Variants in KCNT1 observed in about 807,000 individuals in gnomAD.
The protein encoded by KCNT1 is potassium sodium-activated channel subfamily T member 1, also known as potassium channel subfamily T member 1.
KCNT1 carries 78 observed loss-of-function variants against 147.8 expected under a neutral mutation model. The observed-to-expected ratio is 0.53, with a 90% CI of 0.44 to 0.64. The LOEUF (loss-of-function observed/expected upper bound fraction) is 0.64. Ranked by LOEUF, KCNT1 falls within the 30% of genes least tolerant of loss-of-function variation. The pLI, the probability that KCNT1 is intolerant of heterozygous loss-of-function variation, is 0.00. For missense variants in KCNT1, 1,419 were observed against 1,750.3 expected, an observed-to-expected ratio of 0.81 and a Z score of 3.38; for synonymous variants, 867 against 748.8, an observed-to-expected ratio of 1.16 and a Z score of -2.58.
At chr9:135,722,938 C>A (rs925117343) in intron 2 of KCNT1, among the ~76,000 whole-genome samples, 3 of 152,234 alleles carry the variant, frequency 2.0e-5, no homozygotes, top group African/African-American at 7.2e-5. Context: ...GAAGGGGACG[C>A]TGCAAAAGAT....
At chr9:135,731,187 T>G (rs1564327191) in intron 2 of KCNT1, among the ~76,000 whole-genome samples, 1 of 151,978 alleles carries the variant, frequency 6.6e-6, no homozygotes, top group Non-Finnish European at 1.5e-5. Context: ...CTTTGCAACT[T>G]CCTTGTTCTC....
intron 1 of KCNT1, among the ~76,000 whole-genome samples, chr9:135,704,765 C>T (rs567825943): frequency 1.3e-5 from 2 of 152,340 alleles, no homozygotes; most frequent in African/African-American, 4.8e-5. Context: ...GGCCCAAGGT[C>T]CTGGCCAGCC....
chr9:135,731,200 G>A (rs971956095), intron 2 of KCNT1, among the ~76,000 whole-genome samples: 2 of 151,958 alleles, frequency 1.3e-5, no homozygotes, highest in African/African-American at 4.8e-5. Context: ...TTGTTCTCTA[G>A]CAAAACTAGA....
intron 19 of KCNT1, 118 bp from the exon 20 acceptor site, chr9:135,775,192 G>A (rs940855258): frequency 2.3e-5 from 15 of 666,476 alleles, no homozygotes; most frequent in African/African-American, 7.4e-5. Flanking sequence ...GCGTGACCCC[G>A]AGCAACGTGG....
At chr9:135,776,824 C>T (rs897381598) in intron 20 of KCNT1, among the ~76,000 whole-genome samples, 20 of 152,248 alleles carry the variant, frequency 1.3e-4, no homozygotes, top group Admixed American at 3.3e-4. Flanking sequence ...GCTTCTGACA[C>T]GATCCCCTCA....
At chr9:135,756,247 ATT>A (rs1285295564) in intron 6 of KCNT1, among the ~76,000 whole-genome samples, 1 of 151,808 alleles carries the variant, frequency 6.6e-6, no homozygotes, top group African/African-American at 2.4e-5. Flanking sequence ...TCTCCACACA[ATT>A]TTCCCAGGGA....
intron 2 of KCNT1, among the ~76,000 whole-genome samples, chr9:135,744,638 G>T (rs1830723142): frequency 6.6e-6 from 1 of 152,232 alleles, no homozygotes; most frequent in Non-Finnish European, 1.5e-5. Flanking sequence ...TAGGGACGGG[G>T]CTGGCCAGGA....
Position 135,730,368 on chromosome 9 carries a change from G to A in KCNT1, c.254+15648G>A, listed in dbSNP as rs1237050115. ...GACTATGTAACCATGCGTGGCGAGGGGGACCACACGTGGTGAGGGGGATTA... is the reference window on the plus strand; with the variant it reads ...GACTATGTAACCATGCGTGGCGAGGAGGACCACACGTGGTGAGGGGGATTA... On this transcript the variant is annotated intron_variant, in intron 2 of 30. Transcript: ENST00000371757. The surrounding 1 kb of genome is among the most constrained non-coding windows in gnomAD (Gnocchi z 4.7). 6.6e-6 allele frequency among the ~76,000 whole-genome samples: 1 copy of A among 152,174 alleles called. No individual in the cohort carries two copies. Among genetic ancestry groups the A allele is most frequent in the African/African-American group, 2.4e-5 (1 of 41,426 alleles).
At chr9:135,732,388 A>C (rs1405342059) in intron 2 of KCNT1, among the ~76,000 whole-genome samples, 1 of 152,128 alleles carries the variant, frequency 6.6e-6, no homozygotes, top group Non-Finnish European at 1.5e-5. Flanking sequence ...CCTCCAGTGG[A>C]AGTGTCCTCA....
chr9:135,717,189 G>T (rs1212763802), intron 2 of KCNT1, among the ~76,000 whole-genome samples: 1 of 150,244 alleles, frequency 6.7e-6, no homozygotes, highest in Admixed American at 6.6e-5. Context: ...GTGTGTATAG[G>T]ATGGGAGGGA....
chr9:135,748,953 G>C (rs1008176467), intron 2 of KCNT1, among the ~76,000 whole-genome samples: 1 of 152,188 alleles, frequency 6.6e-6, no homozygotes, highest in Non-Finnish European at 1.5e-5. Flanking sequence ...GGCCATGGCT[G>C]GGAGCAGCCG....
chr9:135,752,032 T>C lies in KCNT1; in HGVS notation c.434+991T>C, dbSNP rs146156093. ...TTTCTCCCGAGCTCACATTGGGCCC[T>C]GACTTTTTCATACCCGTAGATTTCC... On this transcript the variant is annotated intron_variant, in intron 4 of 30. Coordinates refer to ENST00000371757, the MANE Select transcript of KCNT1 (RefSeq NM_020822.3). The surrounding 1 kb of genome is among the most constrained non-coding windows in gnomAD (Gnocchi z 5.1). 95 of 216,220 alleles carry C rather than the reference T, an allele frequency of 4.4e-4. No individual in the cohort carries two copies. Among genetic ancestry groups the C allele is most frequent in the African/African-American group, 2.1e-3 (91 of 43,028 alleles). The allele number at this position is 216,220 out of a possible 1,614,324, so 13.4% of individuals were successfully genotyped here.
At chr9:135,707,345 C>T (rs959936936) in intron 1 of KCNT1, among the ~76,000 whole-genome samples, 1 of 151,918 alleles carries the variant, frequency 6.6e-6, no homozygotes, top group Admixed American at 6.5e-5. Context: ...GCTGTCCACC[C>T]TAGGAGGGCT....
chr9:135,738,006 G>T (rs111397470), intron 2 of KCNT1, among the ~76,000 whole-genome samples: 1 of 152,312 alleles, frequency 6.6e-6, no homozygotes, highest in East Asian at 1.9e-4. Flanking sequence ...TGGGGGGAAG[G>T]GGGAGGGCAG....
At chr9:135,713,200 C>A (rs1270590837) in intron 1 of KCNT1, among the ~76,000 whole-genome samples, 3 of 152,250 alleles carry the variant, frequency 2.0e-5, no homozygotes. Context: ...GAAAATAGAG[C>A]CCCGACCCCT....
chr9:135,771,257 T>C (rs1588363611), intron 18 of KCNT1, 162 bp downstream of exon 18: 1 of 664,292 alleles, frequency 1.5e-6, no homozygotes, highest in Admixed American at 2.7e-5. Flanking sequence ...GGTGACCAGG[T>C]GGGACGGGAG....
chr9:135,704,067 C>T (rs967527678), intron 1 of KCNT1, among the ~76,000 whole-genome samples: 1 of 152,218 alleles, frequency 6.6e-6, no homozygotes, highest in African/African-American at 2.4e-5. Flanking sequence ...AGGCTTGCGG[C>T]CCAGGCAGGT....
At chr9:135,760,470 C>A (rs1439689888) in intron 11 of KCNT1, among the ~76,000 whole-genome samples, 1 of 152,324 alleles carries the variant, frequency 6.6e-6, no homozygotes, top group Non-Finnish European at 1.5e-5. Flanking sequence ...AAGGAGGGGA[C>A]CCCTGTGGGT....
chr9:135,745,362 C>T (rs1588299314), intron 2 of KCNT1, among the ~76,000 whole-genome samples: 1 of 152,126 alleles, frequency 6.6e-6, no homozygotes, highest in Admixed American at 6.5e-5. Context: ...ATGAGCGGGT[C>T]CCCTGCTTTC....
Sources: allele counts gnomAD v4.1 joint callset (sites outside exome capture counted in the v4.1 genomes callset), GRCh38; gene constraint gnomAD v4.1.1; non-coding constraint Gnocchi (gnomAD v3.1); transcripts MANE v1.5; gene names NCBI Gene and HGNC (gene_info 2026-07-23, HGNC 2026-07-21).